Variants in TBC1D1 observed in about 807,000 individuals in gnomAD.
The protein encoded by TBC1D1 is TBC1 domain family member 1.
TBC1D1 carries 89 observed loss-of-function variants against 125.6 expected under a neutral mutation model. That is an observed-to-expected ratio of 0.71 (90% CI 0.60 to 0.85). The LOEUF (loss-of-function observed/expected upper bound fraction) is 0.85, where lower values mean the gene tolerates loss of function less well. Ranked by LOEUF, TBC1D1 falls within the 40% of genes least tolerant of loss-of-function variation. The probability of loss-of-function intolerance (pLI) is 0.00; values close to 1 mark genes in which losing one functional copy is unlikely to be tolerated. For missense variants in TBC1D1, 1,377 were observed against 1,469.2 expected (o/e 0.94, Z 1.03); for synonymous variants, 565 against 564.1 (o/e 1.00, Z -0.02).
At chr4:37,985,910 C>T (rs1039084355) in intron 2 of TBC1D1, among the ~76,000 whole-genome samples, 1 of 152,146 alleles carries the variant, frequency 6.6e-6, no homozygotes, top group Non-Finnish European at 1.5e-5. Flanking sequence ...AATTGTAGGT[C>T]ATTGATGTGG....
chr4:38,079,772 A>G (rs1168313492), intron 12 of TBC1D1, among the ~76,000 whole-genome samples: 1 of 152,218 alleles, frequency 6.6e-6, no homozygotes, highest in African/African-American at 2.4e-5. Flanking sequence ...ACTCTATTTA[A>G]TGGTCAGGTC....
chr4:37,938,453 G>A (rs1421898862), intron 2 of TBC1D1, among the ~76,000 whole-genome samples: 5 of 152,168 alleles, frequency 3.3e-5, no homozygotes, highest in African/African-American at 1.2e-4. Flanking sequence ...AAGACACTTT[G>A]ATAGGAGACA....
chr4:37,935,799 T>C (rs1348462897), intron 2 of TBC1D1, among the ~76,000 whole-genome samples: 1 of 152,174 alleles, frequency 6.6e-6, no homozygotes, highest in Non-Finnish European at 1.5e-5. Flanking sequence ...TTCGCCATTA[T>C]CCTACCCCTC....
intron 2 of TBC1D1, among the ~76,000 whole-genome samples, chr4:37,907,085 A>G (rs1717502706): frequency 6.6e-6 from 1 of 152,228 alleles, no homozygotes; most frequent in Non-Finnish European, 1.5e-5. Context: ...CATTTTTTCA[A>G]ATCTCCTTAA....
At chr4:38,057,051 G>A (rs1010648037) in intron 12 of TBC1D1, among the ~76,000 whole-genome samples, 1 of 152,028 alleles carries the variant, frequency 6.6e-6, no homozygotes, top group Non-Finnish European at 1.5e-5. Context: ...CCTGTTCCTA[G>A]GCCGTAATCA....
intron 1 of TBC1D1, among the ~76,000 whole-genome samples, chr4:37,895,485 CT>C (rs1714363480): frequency 6.6e-6 from 1 of 152,132 alleles, no homozygotes; most frequent in African/African-American, 2.4e-5. Context: ...TGGCAGATCA[CT>C]TGAGGTCAGG....
At chr4:38,119,946 C>T in intron 17 of TBC1D1, 1 of 985,396 alleles carries the variant, frequency 1.0e-6, no homozygotes, top group Non-Finnish European at 1.2e-6. Context: ...AGTTCTGGGG[C>T]TCTGGAAGAG....
intron 2 of TBC1D1, among the ~76,000 whole-genome samples, chr4:38,011,353 CAAAAAA>C (rs547785950): frequency 2.5e-4 from 18 of 71,400 alleles, no homozygotes; most frequent in African/African-American, 8.9e-4. Context: ...AACTCCATCT[CAAAAAA>C]AAAAAAAAAG....
chr4:37,894,011 A>G (rs951095107), intron 1 of TBC1D1, among the ~76,000 whole-genome samples: 2 of 146,692 alleles, frequency 1.4e-5, no homozygotes, highest in African/African-American at 5.1e-5. Context: ...TTTTTTTGAA[A>G]GGAGTCTTGC....
chr4:37,921,901 AT>A (rs1256096308), intron 2 of TBC1D1, among the ~76,000 whole-genome samples: 2 of 130,048 alleles, frequency 1.5e-5, no homozygotes, highest in Non-Finnish European at 3.5e-5. Flanking sequence ...TACCCAGCTA[AT>A]TTAAAAAAAA....
intron 2 of TBC1D1, among the ~76,000 whole-genome samples, chr4:37,999,309 AACCT>A (rs1035683473): frequency 3.3e-5 from 5 of 152,334 alleles, no homozygotes; most frequent in Admixed American, 6.5e-5. Flanking sequence ...TTTCATGTTT[AACCT>A]ACATGTTGTA....
At chr4:38,069,321 G>T (rs1754292523) in intron 12 of TBC1D1, among the ~76,000 whole-genome samples, 1 of 152,188 alleles carries the variant, frequency 6.6e-6, no homozygotes, top group African/African-American at 2.4e-5. Context: ...AGCTCCTTGT[G>T]AGAGGAAGTT....
Position 38,014,297 on chromosome 4 carries a change from T to A in TBC1D1, c.418-212T>A, listed in dbSNP as rs1742137224. ...GGTAAGAGGTGCTTCATAAGTGTCG[T>A]CCCCCTTCTCTTTTCTGTGGAAGCT... On this transcript the variant is annotated intron_variant, in intron 2 of 19. Coordinates refer to ENST00000261439, the MANE Select transcript of TBC1D1 (RefSeq NM_015173.4). The surrounding 1 kb of genome is among the most constrained non-coding windows in gnomAD (Gnocchi z 5.1). 6.6e-6 allele frequency among the ~76,000 whole-genome samples: 1 copy of A among 152,030 alleles called. No individual in the cohort carries two copies. The highest frequency in any genetic ancestry group is 1.5e-5 in the Non-Finnish European group (1 of 67,998).
At chr4:38,116,012 C>G (rs1248401297) in intron 16 of TBC1D1, 58 bp downstream of exon 18, 25 of 1,579,058 alleles carry the variant, frequency 1.6e-5, no homozygotes, top group Non-Finnish European at 2.2e-5. Flanking sequence ...TTTCTTATCC[C>G]TCTCCAGATG....
At chr4:37,973,187 G>A (rs1005821605) in intron 2 of TBC1D1, among the ~76,000 whole-genome samples, 1 of 152,156 alleles carries the variant, frequency 6.6e-6, no homozygotes, top group Admixed American at 6.5e-5. Context: ...GATTAGGAAG[G>A]AAGACTTGGA....
chr4:38,088,392 C>T (rs1261064832), intron 12 of TBC1D1, among the ~76,000 whole-genome samples: 1 of 151,876 alleles, frequency 6.6e-6, no homozygotes, highest in African/African-American at 2.4e-5. Context: ...ATATTTATTG[C>T]CACAAATTTA....
chr4:37,952,312 G>C, intron 2 of TBC1D1: 1 of 518,844 alleles, frequency 1.9e-6, no homozygotes, highest in Non-Finnish European at 3.5e-6. Flanking sequence ...CTTGGGGAAA[G>C]GGCTGATAAT....
chr4:37,981,417 A>G (rs2152367694), intron 2 of TBC1D1, among the ~76,000 whole-genome samples: 1 of 152,336 alleles, frequency 6.6e-6, no homozygotes, highest in South Asian at 2.1e-4. Context: ...CCTACCTATA[A>G]TAGGTACTAT....
intron 2 of TBC1D1, among the ~76,000 whole-genome samples, chr4:37,976,971 T>C (rs1311057255): frequency 6.6e-6 from 1 of 152,162 alleles, no homozygotes; most frequent in South Asian, 2.1e-4. Flanking sequence ...AGAAAAGCCC[T>C]GGGGGTGGGG....
Sources: gnomAD v4.1 joint callset for allele counts (sites outside exome capture counted in the v4.1 genomes callset) on GRCh38, gnomAD v4.1.1 for gene constraint, Gnocchi (gnomAD v3.1) non-coding constraint, MANE v1.5 for transcripts, NCBI Gene and HGNC (gene_info 2026-07-23, HGNC 2026-07-21) for gene names.